The following TMEM132C variants were observed in gnomAD, a reference collection of about 807,000 sequenced individuals.
TMEM132C encodes the protein protein phosphatase 1, regulatory subunit 152.
A neutral mutation model predicts 61.4 loss-of-function variants in TMEM132C; 29 were observed. That is an observed-to-expected ratio of 0.47 (90% CI 0.35 to 0.64). The LOEUF is 0.64. Among genes scored for constraint, TMEM132C ranks in the 30% least tolerant of loss-of-function variants. The pLI is 0.00. For missense variants in TMEM132C, 1,408 were observed against 1,476.9 expected (o/e 0.95, Z 0.76); for synonymous variants, 656 against 633.1 (o/e 1.04, Z -0.54).
At chr12:128,633,872 T>A (rs1954081045) in intron 4 of TMEM132C, among the ~76,000 whole-genome samples, 1 of 152,184 alleles carries the variant, frequency 6.6e-6, no homozygotes. Flanking sequence ...TGGTTAATAA[T>A]TAATATTCCC....
Position 128,706,106 on chromosome 12 carries a change from G to A in TMEM132C, c.3138G>A (p.Ser1046=), listed in dbSNP as rs1044496135. The change falls in exon 9 of 9, where the codon TCG becomes TCA. Residue 1046 remains serine (S), a synonymous_variant. Coordinates refer to ENST00000435159, the MANE Select transcript of TMEM132C (RefSeq NM_001136103.3). ...GREQKQDPLH[S]PTSKRKKVKF... is the part of the protein sequence containing the mutation. Reference sequence around the variant, plus strand: ...AACAGAAGCAGGACCCCCTGCACTCGCCCACCTCCAAGAGGAAGAAGGTGA... The same window carrying A: ...AACAGAAGCAGGACCCCCTGCACTCACCCACCTCCAAGAGGAAGAAGGTGA... 23 of 1,551,402 alleles carry A rather than the reference G, an allele frequency of 1.5e-5. No individual in the cohort carries two copies. Among genetic ancestry groups the A allele is most frequent in the South Asian group, 8.3e-5 (7 of 84,052 alleles).
At chr12:128,400,346 T>C (rs1875110055) in intron 1 of TMEM132C, among the ~76,000 whole-genome samples, 1 of 152,180 alleles carries the variant, frequency 6.6e-6, no homozygotes, top group Non-Finnish European at 1.5e-5. Flanking sequence ...GGCTCACTCA[T>C]TGGCCCCTGG....
At chr12:128,583,514 C>A (rs1026699036) in intron 3 of TMEM132C, among the ~76,000 whole-genome samples, 1 of 152,202 alleles carries the variant, frequency 6.6e-6, no homozygotes, top group Non-Finnish European at 1.5e-5. Flanking sequence ...CACCTTAAAT[C>A]AGACTGGTGT....
intron 4 of TMEM132C, among the ~76,000 whole-genome samples, chr12:128,635,462 C>CTTTTTTTTTTTTTTTTTT (rs372811916): frequency 7.7e-6 from 1 of 130,436 alleles, no homozygotes. Flanking sequence ...TGAGTTTTTT[C>CTTTTTTTTTTTTTTTTTT]TTTTTTTTTT....
chr12:128,563,843 C>T (rs988233466), intron 3 of TMEM132C, among the ~76,000 whole-genome samples: 2 of 152,174 alleles, frequency 1.3e-5, no homozygotes, highest in Admixed American at 1.3e-4. Context: ...AAAAATACCA[C>T]AGATTGGTCG....
At chr12:128,681,043 A>G (rs1954630233) in intron 5 of TMEM132C, among the ~76,000 whole-genome samples, 2 of 152,094 alleles carry the variant, frequency 1.3e-5, no homozygotes, top group African/African-American at 4.8e-5. Context: ...CAGTTCTTCT[A>G]TTCTTGTTTT....
chr12:128,391,906 T>A (rs980718488), intron 1 of TMEM132C, among the ~76,000 whole-genome samples: 11 of 152,218 alleles, frequency 7.2e-5, no homozygotes, highest in Non-Finnish European at 1.5e-4. Flanking sequence ...TTTTTAATGG[T>A]TTCATTTTAA....
At chr12:128,468,412 G>C (rs902319890) in intron 2 of TMEM132C, among the ~76,000 whole-genome samples, 1 of 152,120 alleles carries the variant, frequency 6.6e-6, no homozygotes, top group Non-Finnish European at 1.5e-5. Flanking sequence ...CTGCCTTCCG[G>C]GTTCAAGCGA....
intron 5 of TMEM132C, among the ~76,000 whole-genome samples, chr12:128,682,665 T>C (rs904282936): frequency 2.0e-5 from 3 of 152,192 alleles, no homozygotes; most frequent in Admixed American, 6.5e-5. Flanking sequence ...TATAACGCTA[T>C]TGAAACAGAG....
At chr12:128,631,905 G>A (rs1954067633) in intron 4 of TMEM132C, among the ~76,000 whole-genome samples, 1 of 152,174 alleles carries the variant, frequency 6.6e-6, no homozygotes, top group East Asian at 1.9e-4. Flanking sequence ...TTCTGAAGCA[G>A]CCACCCTGAC....
At chr12:128,461,202 C>A (rs1424367177) in intron 2 of TMEM132C, among the ~76,000 whole-genome samples, 5 of 152,172 alleles carry the variant, frequency 3.3e-5, no homozygotes, top group African/African-American at 9.7e-5. Context: ...AGGCAGTTGG[C>A]ATTTTAAAAT....
At chr12:128,389,250 G>T (rs1029759400) in intron 1 of TMEM132C, among the ~76,000 whole-genome samples, 1 of 152,154 alleles carries the variant, frequency 6.6e-6, no homozygotes, top group African/African-American at 2.4e-5. Context: ...TCTTTCCTGG[G>T]CTGCCCAGTC....
At chr12:128,419,448 C>T (rs375346919) in intron 2 of TMEM132C, among the ~76,000 whole-genome samples, 1 of 152,166 alleles carries the variant, frequency 6.6e-6, no homozygotes, top group South Asian at 2.1e-4. Context: ...AGACACTAAG[C>T]ACCATGGAAT....
chr12:128,678,299 C>T (rs1954609746), intron 5 of TMEM132C, among the ~76,000 whole-genome samples: 1 of 152,158 alleles, frequency 6.6e-6, no homozygotes, highest in Admixed American at 6.5e-5. Context: ...GACTCCAAGC[C>T]AAGCTGGGTG....
intron 1 of TMEM132C, among the ~76,000 whole-genome samples, chr12:128,373,381 TGA>T (rs1322113197): frequency 1.3e-5 from 2 of 152,172 alleles, no homozygotes; most frequent in Non-Finnish European, 2.9e-5. Flanking sequence ...CAAGGTAGCC[TGA>T]GAAAGAGAGA....
rs144224189 is a variant in TMEM132C at position 128,372,584 on chromosome 12, A to G, written c.86-42148A>G. Among the ~76,000 whole-genome samples, 227 of 152,308 alleles carry G rather than the reference A, an allele frequency of 1.5e-3. 3 individuals are homozygous for G. The highest frequency in any genetic ancestry group is 5.2e-3 in the African/African-American group (217 of 41,576). On this transcript the variant is annotated intron_variant, in intron 1 of 8. Transcript: ENST00000435159. ...TTGCACAATAAGCATTTGAATGCTT[A>G]TTAATTACTCATATCCTGTCTAGTT... is the stretch of plus-strand genomic sequence containing the variant.
At chr12:128,671,446 G>A (rs1437731426) in intron 5 of TMEM132C, among the ~76,000 whole-genome samples, 1 of 152,074 alleles carries the variant, frequency 6.6e-6, no homozygotes, top group South Asian at 2.1e-4. Context: ...TGTAAACCCT[G>A]GAAACACATC....
chr12:128,550,924 G>C (rs1874152786), intron 3 of TMEM132C, among the ~76,000 whole-genome samples: 1 of 152,248 alleles, frequency 6.6e-6, no homozygotes, highest in East Asian at 1.9e-4. Context: ...GAATACGAAA[G>C]CTCAGCCCCA....
intron 2 of TMEM132C, among the ~76,000 whole-genome samples, chr12:128,521,722 C>T (rs1225893786): frequency 6.6e-6 from 1 of 152,140 alleles, no homozygotes; most frequent in African/African-American, 2.4e-5. Flanking sequence ...AATTCTGTAG[C>T]CTGTCCTGAG....
Sources: allele counts gnomAD v4.1 joint callset (sites outside exome capture counted in the v4.1 genomes callset), GRCh38; gene constraint gnomAD v4.1.1; transcripts MANE v1.5; gene names NCBI Gene and HGNC (gene_info 2026-07-23, HGNC 2026-07-21).